The following HERC1 variants were observed in gnomAD, a reference collection of about 807,000 sequenced individuals.
The protein encoded by HERC1 is HECT and RLD domain containing E3 ubiquitin protein ligase family member 1, also known as probable E3 ubiquitin-protein ligase HERC1.
In HERC1, 160 loss-of-function variants were observed where a neutral mutation model predicts 554.3. The observed-to-expected ratio is 0.29, with a 90% CI of 0.25 to 0.33. HERC1 has a LOEUF of 0.33. HERC1 is among the 10% of genes least tolerant of loss of function. HERC1 has a pLI of 1.00. For missense variants in HERC1, 4,919 were observed against 5,918.5 expected, an observed-to-expected ratio of 0.83 and a Z score of 5.54; for synonymous variants, 2,175 against 2,131.7, an observed-to-expected ratio of 1.02 and a Z score of -0.56.
At chr15:63,610,143 A>T (rs1242208649) in intron 77 of HERC1, among the ~76,000 whole-genome samples, 2 of 152,150 alleles carry the variant, frequency 1.3e-5, no homozygotes, top group Admixed American at 6.5e-5. Flanking sequence ...AAAAAAAAAA[A>T]AAAGAACCTG....
At chr15:63,609,345 C>A in intron 77 of HERC1, 79 bp from the exon 78 acceptor site, 1 of 1,271,066 alleles carries the variant, frequency 7.9e-7, no homozygotes, top group South Asian at 1.6e-5. Context: ...TGACCTCTCC[C>A]TGCCTTCAAG....
At chr15:63,673,839 C>A (rs1365042858) in intron 38 of HERC1, among the ~76,000 whole-genome samples, 1 of 152,208 alleles carries the variant, frequency 6.6e-6, no homozygotes, top group Non-Finnish European at 1.5e-5. Context: ...ATTCTACTGC[C>A]TTAGCTTCCT....
At chr15:63,643,355 G>C in intron 58 of HERC1, 49 bp downstream of exon 58, 1 of 1,506,542 alleles carries the variant, frequency 6.6e-7, no homozygotes, top group Non-Finnish European at 9.1e-7. Context: ...ATGTGTTTAA[G>C]TTAGTGTCAA....
intron 66 of HERC1, among the ~76,000 whole-genome samples, chr15:63,634,225 T>G (rs564274265): frequency 1.3e-5 from 2 of 152,220 alleles, no homozygotes; most frequent in African/African-American, 4.8e-5. Context: ...GTATGAAAGA[T>G]AGAGGAAAAG....
chr15:63,680,901 T>C lies in HERC1; in HGVS notation c.6226-125A>G, dbSNP rs1286087603. On this transcript the variant is annotated intron_variant, in intron 34 of 77. Coordinates refer to ENST00000443617, the MANE Select transcript of HERC1 (RefSeq NM_003922.4). This position sits in a 1 kb window ranked among gnomAD's most constrained non-coding sequence, Gnocchi z 5.8. The stretch of plus-strand genomic sequence containing the variant: ...ATGCATTTATGGAAACATGTTATTT[T>C]CAGCATAAATAAAAATAACACGAAA... 5 of 635,328 alleles carry C rather than the reference T, an allele frequency of 7.9e-6. No homozygotes were observed. The highest frequency in any genetic ancestry group is 7.4e-5 in the African/African-American group (4 of 54,278). 39.4% of individuals were successfully genotyped at this position (635,328 alleles called of 1,614,324 possible).
At chr15:63,732,118 G>A (rs72750991) in intron 14 of HERC1, among the ~76,000 whole-genome samples, 4 of 151,980 alleles carry the variant, frequency 2.6e-5, no homozygotes, top group African/African-American at 4.8e-5. Context: ...CTCCCACCTC[G>A]GCCTCCTGAG....
chr15:63,675,094 C>A lies in HERC1; in HGVS notation c.7094G>T (p.Ser2365Ile), dbSNP rs1220114597. The A allele has an allele frequency of 6.3e-7, 1 of 1,588,282 alleles. No homozygotes were observed. The change falls in exon 38 of 78, where the codon AGT (serine) becomes ATT (isoleucine). Residue 2365 changes from serine (S) to isoleucine (I), a missense_variant. By Grantham distance (142) the Ser-to-Ile change is moderately radical. Transcript: ENST00000443617. ...TTCCAGATTATACAATGGAGTATCACTAGGCGACCAAAAAGTTGGGAAGCT... is the reference window on the plus strand; with the variant it reads ...TTCCAGATTATACAATGGAGTATCAATAGGCGACCAAAAAGTTGGGAAGCT... The part of the protein sequence containing the change: ...TISFPTFWSP[S>I]DTPLYNLEPC...
intron 12 of HERC1, among the ~76,000 whole-genome samples, chr15:63,740,124 G>C (rs1003732468): frequency 6.6e-6 from 1 of 152,022 alleles, no homozygotes; most frequent in African/African-American, 2.4e-5. Context: ...TGGCCAGGCT[G>C]GTCTCAAACT....
At chr15:63,704,084 C>T (rs1023522187) in intron 25 of HERC1, among the ~76,000 whole-genome samples, 1 of 151,946 alleles carries the variant, frequency 6.6e-6, no homozygotes, top group Non-Finnish European at 1.5e-5. Context: ...TGGCTTAAGG[C>T]ATCTGGTCTA....
chr15:63,680,857 A>G lies in HERC1; in HGVS notation c.6226-81T>C. On this transcript the variant is annotated intron_variant, in intron 34 of 77. Coordinates refer to ENST00000443617, the MANE Select transcript of HERC1 (RefSeq NM_003922.4). The surrounding 1 kb of genome is among the most constrained non-coding windows in gnomAD (Gnocchi z 5.8). ...AACTGCATTAACCAATACTGAAAAT[A>G]TGTTTATAAATAATACTAATGCATT... is the stretch of plus-strand genomic sequence containing the variant. The G allele has an allele frequency of 3.3e-6, 3 of 901,982 alleles. No individual in the cohort carries two copies. The highest frequency in any genetic ancestry group is 2.7e-4 in the Middle Eastern group (1 of 3,658). 55.9% of individuals were successfully genotyped at this position (901,982 alleles called of 1,614,324 possible). A position where few individuals can be genotyped will look rare whatever the true frequency, so the allele number is the denominator to read the frequency against.
intron 77 of HERC1, among the ~76,000 whole-genome samples, chr15:63,610,291 G>A (rs909046699): frequency 2.0e-5 from 3 of 152,152 alleles, no homozygotes; most frequent in Admixed American, 1.3e-4. Context: ...ACAGCTCAAC[G>A]CAGAAAAACT....
chr15:63,707,590 C>G (rs1382783365), intron 24 of HERC1, among the ~76,000 whole-genome samples: 1 of 152,098 alleles, frequency 6.6e-6, no homozygotes, highest in Non-Finnish European at 1.5e-5. Flanking sequence ...TTCAATTGTA[C>G]TCTATCATAC....
At chr15:63,789,236 G>A (rs1012412626) in intron 1 of HERC1, among the ~76,000 whole-genome samples, 44 of 147,024 alleles carry the variant, frequency 3.0e-4, no homozygotes, top group Admixed American at 5.4e-4. Context: ...GACTACAGGC[G>A]CCCGCCACTA....
chr15:63,632,530 T>C (rs1555406162), intron 68 of HERC1, 179 bp downstream of exon 68: 1 of 680,342 alleles, frequency 1.5e-6, no homozygotes, highest in Non-Finnish European at 2.7e-6. Context: ...GGGGAGTTTG[T>C]CTTTATAATA....
At chr15:63,808,584 C>G (rs1003865734) in intron 1 of HERC1, among the ~76,000 whole-genome samples, 5 of 152,182 alleles carry the variant, frequency 3.3e-5, no homozygotes, top group African/African-American at 1.2e-4. Context: ...CTGTACACTG[C>G]TCATCAATAT....
intron 37 of HERC1, among the ~76,000 whole-genome samples, chr15:63,676,278 G>T (rs186514490): frequency 1.5e-4 from 23 of 152,136 alleles, no homozygotes; most frequent in Non-Finnish European, 3.2e-4. Flanking sequence ...GTCGACACTT[G>T]CATGTCATTC....
intron 21 of HERC1, 64 bp from the exon 22 acceptor site, chr15:63,716,537 A>G: frequency 7.5e-7 from 1 of 1,325,388 alleles, no homozygotes; most frequent in South Asian, 1.5e-5. Flanking sequence ...AAAACTTTAA[A>G]AAACCTTTAA....
Position 63,678,346 on chromosome 15 carries a change from T to C in HERC1, c.6569A>G (p.Gln2190Arg). 1 of 1,597,346 alleles carries C rather than the reference T, an allele frequency of 6.3e-7. No homozygotes were observed. The highest frequency in any genetic ancestry group is 8.5e-7 in the Non-Finnish European group (1 of 1,173,344). Residue 2190 changes from glutamine to arginine, a missense_variant, in exon 37 of 78, where the codon CAG becomes CGG. Physicochemically the swap from Gln to Arg is conservative, Grantham distance 43. Coordinates refer to ENST00000443617, the MANE Select transcript of HERC1 (RefSeq NM_003922.4). Reference protein sequence around the residue: ...PGEKVKICDMQMRGTPRDLLP... With the variant: ...PGEKVKICDMRMRGTPRDLLP... ...TAAGTCTCGGGGTGTGCCACGCATCTGCATATCACAAATTTTCACCTATAT... is the reference window on the plus strand; with the variant it reads ...TAAGTCTCGGGGTGTGCCACGCATCCGCATATCACAAATTTTCACCTATAT...
Position 63,638,694 on chromosome 15 carries a change from T to C in HERC1, c.11967+17A>G, listed in dbSNP as rs139840287. ...TTGACTGAGAACCATCATACAGTTA[T>C]CTTCATCTTTACTGACCTCAGGTCT... On this transcript the variant is annotated intron_variant, in intron 62 of 77. Coordinates refer to ENST00000443617, the MANE Select transcript of HERC1 (RefSeq NM_003922.4). The C allele has an allele frequency of 2.9e-4, 458 of 1,606,170 alleles. 2 individuals carry two copies. The East Asian group carries it at 6.1e-3, about 21-fold the overall frequency.
Sources: gnomAD v4.1 joint callset for allele counts (sites outside exome capture counted in the v4.1 genomes callset) on GRCh38, gnomAD v4.1.1 for gene constraint, Gnocchi (gnomAD v3.1) non-coding constraint, MANE v1.5 for transcripts, NCBI Gene and HGNC (gene_info 2026-07-23, HGNC 2026-07-21) for gene names.